SAMD8: variants seen among roughly 807,000 people sequenced by gnomAD.
SAMD8 encodes the protein sphingomyelin synthase-related protein 1.
SAMD8 carries 20 observed loss-of-function variants against 42.0 expected under a neutral mutation model. The observed-to-expected ratio is 0.48, with a 90% CI of 0.34 to 0.69. SAMD8 has a LOEUF of 0.69. SAMD8 is among the 30% of genes least tolerant of loss of function. The pLI is 0.01. For missense variants in SAMD8, 328 were observed against 511.6 expected (o/e 0.64, Z 3.46); for synonymous variants, 162 against 173.0 (o/e 0.94, Z 0.50).
intron 1 of SAMD8, among the ~76,000 whole-genome samples, chr10:75,112,118 T>TG (rs1205643120): frequency 6.6e-6 from 1 of 152,116 alleles, no homozygotes; most frequent in Non-Finnish European, 1.5e-5. Context: ...GAGCAAGACC[T>TG]GGGCCGGTGT....
chr10:75,107,933 T>A (rs186185682), upstream of SAMD8: 515 of 1,528,700 alleles, frequency 3.4e-4, no homozygotes, highest in African/African-American at 6.0e-3. Flanking sequence ...TGAGAGGAAA[T>A]GAGGCATCCT....
At chr10:75,122,105 A>G (rs1207901156) in intron 1 of SAMD8, among the ~76,000 whole-genome samples, 2 of 152,144 alleles carry the variant, frequency 1.3e-5, no homozygotes, top group Non-Finnish European at 2.9e-5. Flanking sequence ...TCATTTTCTT[A>G]AAAAAACCTT....
At chr10:75,145,248 G>A (rs1373067950) in intron 1 of SAMD8, among the ~76,000 whole-genome samples, 1 of 152,118 alleles carries the variant, frequency 6.6e-6, no homozygotes, top group East Asian at 1.9e-4. Context: ...TGGCCATTAT[G>A]TGTCTATTTC....
At position 75,103,753 on chromosome 10, in the gene SAMD8, G is replaced by A. The variant is rs573873043; in HGVS notation, c.-16+4025G>A. The A allele has an allele frequency of 2.1e-3, 1,284 of 621,290 alleles. 9 individuals carry two copies. The highest frequency in any genetic ancestry group is 0.016 in the Middle Eastern group (23 of 1,482). 38.5% of individuals were successfully genotyped at this position (621,290 alleles called of 1,614,324 possible). ...GGCTCTCTGAGCCCTGAGGGGAGCT[G>A]CTGGAGACAGCTGTGGCCAACAGCT... On this transcript the variant is annotated intron_variant, in intron 1 of 3. Transcript: ENST00000447533.
At chr10:75,151,680 G>T (rs969572854) in intron 2 of SAMD8, among the ~76,000 whole-genome samples, 1 of 150,418 alleles carries the variant, frequency 6.6e-6, no homozygotes, top group Admixed American at 6.6e-5. Context: ...TGTAGTTATA[G>T]CTCCTTGGGT....
chr10:75,102,784 C>A (rs1023766787), intron 1 of SAMD8, among the ~76,000 whole-genome samples: 1 of 152,056 alleles, frequency 6.6e-6, no homozygotes, highest in Non-Finnish European at 1.5e-5. Context: ...GAAAACCTGC[C>A]TCTACTAAAA....
At chr10:75,175,749 A>C (rs1381155960) in intron 4 of SAMD8, 1 of 318,638 alleles carries the variant, frequency 3.1e-6, no homozygotes, top group Admixed American at 6.5e-5. Context: ...GGGTTTCGCC[A>C]TGTTGGCCAG....
At chr10:75,106,032 G>C (rs1289653782) in intron 1 of SAMD8, among the ~76,000 whole-genome samples, 1 of 152,076 alleles carries the variant, frequency 6.6e-6, no homozygotes, top group Non-Finnish European at 1.5e-5. Flanking sequence ...CGGTAAAATG[G>C]GTAGATCAAC....
At chr10:75,119,221 G>A (rs950098201) in intron 1 of SAMD8, among the ~76,000 whole-genome samples, 15 of 151,628 alleles carry the variant, frequency 9.9e-5, no homozygotes, top group Non-Finnish European at 1.3e-4. Context: ...GCAGTGGTGC[G>A]ATCTCAGCTC....
At position 75,150,955 on chromosome 10, in the gene SAMD8, C is replaced by T. The variant is rs1159545003; in HGVS notation, c.427C>T (p.Arg143Ter). ...YMNGKNKHSV[R>*]RLDPEYWKTI... ...GAATGGTAAAAACAAACATTCTGTT[C>T]GAAGATTGGACCCAGAATACTGGAA... The change falls in exon 2 of 6, where the codon CGA (arginine) becomes TGA (stop). Residue 143 changes from arginine to a stop codon, truncating the protein, a stop_gained. Coordinates refer to ENST00000542569, the MANE Select transcript of SAMD8 (RefSeq NM_001174156.2). LOFTEE classifies it high-confidence loss of function. 6.8e-6 allele frequency: 11 copies of T among 1,613,006 alleles called. No homozygotes were observed. The highest frequency in any genetic ancestry group is 1.7e-5 in the Admixed American group (1 of 59,736).
intron 3 of SAMD8, among the ~76,000 whole-genome samples, chr10:75,168,070 C>G (rs1840734367): frequency 6.6e-6 from 1 of 151,564 alleles, no homozygotes; most frequent in East Asian, 2.0e-4. Context: ...AGTCTTGGCT[C>G]ACTGCAACCT....
At chr10:75,138,461 ATTAT>A (rs1186361813) in intron 1 of SAMD8, among the ~76,000 whole-genome samples, 1 of 152,274 alleles carries the variant, frequency 6.6e-6, no homozygotes. Context: ...ACACATTTGG[ATTAT>A]TTAAATTATT....
At chr10:75,154,494 A>G (rs1353176503) in intron 2 of SAMD8, among the ~76,000 whole-genome samples, 2 of 152,240 alleles carry the variant, frequency 1.3e-5, no homozygotes, top group Non-Finnish European at 2.9e-5. Flanking sequence ...ACAACCAGTG[A>G]GAGATGAGCA....
At chr10:75,134,795 G>T (rs1460384509) in intron 1 of SAMD8, among the ~76,000 whole-genome samples, 2 of 152,090 alleles carry the variant, frequency 1.3e-5, no homozygotes, top group African/African-American at 2.4e-5. Context: ...GGTGGCTTAT[G>T]CCTGTAATCT....
chr10:75,150,492 T>G, intron 1 of SAMD8, 22 bp from the exon 2 acceptor site: 1 of 1,567,902 alleles, frequency 6.4e-7, no homozygotes. Flanking sequence ...TTTTGTTTTG[T>G]TTTCCTGTTT....
upstream of SAMD8, chr10:75,111,348 T>C: frequency 2.2e-6 from 1 of 447,268 alleles, no homozygotes; most frequent in Non-Finnish European, 3.6e-6. Context: ...GCCTCCGGCA[T>C]GACGCATGCG....
upstream of SAMD8, among the ~76,000 whole-genome samples, chr10:75,111,197 G>T (rs1003102244): frequency 3.3e-5 from 5 of 152,216 alleles, no homozygotes; most frequent in Non-Finnish European, 5.9e-5. Flanking sequence ...TTATAACAAT[G>T]ATCATTGGGG....
rs1424057105 is a variant in SAMD8 at position 75,136,411 on chromosome 10, G to A, written c.-15-14103G>A. On this transcript the variant is annotated intron_variant, in intron 1 of 5. Transcript: ENST00000542569. ...CATATCCTGCTTAGTTTCCCAGGAA[G>A]CTAAGGGGAAAAAACATAAACTTAC... Among the ~76,000 whole-genome samples, 3 of 152,310 alleles carry A rather than the reference G, an allele frequency of 2.0e-5. No homozygotes were observed. The East Asian group carries it at 5.8e-4, about 29-fold the overall frequency.
chr10:75,116,971 G>A (rs947326944), intron 1 of SAMD8, among the ~76,000 whole-genome samples: 78 of 151,990 alleles, frequency 5.1e-4, no homozygotes, highest in African/African-American at 1.9e-3. Context: ...CACCATGCTC[G>A]GCTAATTTTT....
Sources: gnomAD v4.1 joint callset for allele counts (sites outside exome capture counted in the v4.1 genomes callset) on GRCh38, gnomAD v4.1.1 for gene constraint, MANE v1.5 for transcripts, NCBI Gene and HGNC (gene_info 2026-07-23, HGNC 2026-07-21) for gene names.